The following ADAMTSL1 variants were observed in gnomAD, a reference collection of about 807,000 sequenced individuals.
ADAMTSL1 encodes the protein ADAMTS like 1, also known as ADAMTS-like protein 1.
A neutral mutation model predicts 201.8 loss-of-function variants in ADAMTSL1; 126 were observed. The observed-to-expected ratio is 0.62, with a 90% CI of 0.54 to 0.72. The LOEUF is 0.72. ADAMTSL1 is among the 30% of genes least tolerant of loss of function. The pLI is 0.00. For missense variants in ADAMTSL1, 2,679 were observed against 2,277.8 expected (o/e 1.18, Z -3.59); for synonymous variants, 1,121 against 903.4 (o/e 1.24, Z -4.32).
chr9:18,904,440 G>A (rs935138168), intron 26 of ADAMTSL1, among the ~76,000 whole-genome samples: 1 of 151,812 alleles, frequency 6.6e-6, no homozygotes, highest in Non-Finnish European at 1.5e-5. Flanking sequence ...CTGCACTCTA[G>A]CCTGGTGACA....
intron 1 of ADAMTSL1, among the ~76,000 whole-genome samples, chr9:17,974,768 A>G (rs1388157889): frequency 6.6e-6 from 1 of 152,066 alleles, no homozygotes; most frequent in Non-Finnish European, 1.5e-5. Context: ...ATATTTTACT[A>G]ATGCACTCGT....
At chr9:18,519,077 T>C (rs546952000) in intron 2 of ADAMTSL1, among the ~76,000 whole-genome samples, 37 of 152,312 alleles carry the variant, frequency 2.4e-4, no homozygotes, top group Non-Finnish European at 5.0e-4. Flanking sequence ...ATCCTAAATG[T>C]TATTTAAAGC....
chr9:18,251,106 A>C (rs1424010871), intron 2 of ADAMTSL1, among the ~76,000 whole-genome samples: 1 of 152,164 alleles, frequency 6.6e-6, no homozygotes, highest in Admixed American at 6.5e-5. Context: ...ACTAAAAAAA[A>C]GTATAATTAA....
Position 18,404,891 on chromosome 9 carries a change from G to A in ADAMTSL1, c.208-99938G>A, listed in dbSNP as rs371957160. Among the ~76,000 whole-genome samples the A allele has an allele frequency of 5.9e-5, 9 of 152,150 alleles. No homozygotes were observed. In the East Asian group the frequency reaches 1.2e-3, roughly 20 times the overall value. The stretch of plus-strand genomic sequence containing the variant: ...TTCCCCTTTTTCCAGGTTGTATCTT[G>A]TTGTTCCACATGCACCCCTCCCCAG... On this transcript the variant is annotated intron_variant, in intron 2 of 29. Coordinates refer to the ADAMTSL1 transcript ENST00000680146.
At chr9:18,895,301 A>C (rs1829553801) in intron 26 of ADAMTSL1, among the ~76,000 whole-genome samples, 1 of 152,230 alleles carries the variant, frequency 6.6e-6, no homozygotes, top group South Asian at 2.1e-4. Context: ...ACACTGGCTA[A>C]ACTAACCTTA....
At chr9:18,113,458 A>G (rs1358098126) in intron 1 of ADAMTSL1, among the ~76,000 whole-genome samples, 1 of 152,152 alleles carries the variant, frequency 6.6e-6, no homozygotes. Context: ...ATGAGGCAGA[A>G]GAAAGTCAAG....
chr9:18,233,940 G>T (rs2132419930), intron 2 of ADAMTSL1, among the ~76,000 whole-genome samples: 1 of 152,262 alleles, frequency 6.6e-6, no homozygotes, highest in African/African-American at 2.4e-5. Context: ...GAATAGGAGT[G>T]ACACACCCTG....
intron 2 of ADAMTSL1, among the ~76,000 whole-genome samples, chr9:18,436,167 C>A (rs1819722708): frequency 6.6e-6 from 1 of 152,048 alleles, no homozygotes; most frequent in Non-Finnish European, 1.5e-5. Flanking sequence ...CTGAAGGAGG[C>A]TAGGGGGAAA....
chr9:18,390,695 C>T (rs1838007879), intron 2 of ADAMTSL1, among the ~76,000 whole-genome samples: 1 of 152,126 alleles, frequency 6.6e-6, no homozygotes, highest in African/African-American at 2.4e-5. Context: ...CCCCACCTCC[C>T]AGTGGAGGAA....
At chr9:18,082,206 A>T (rs1217865641) in intron 1 of ADAMTSL1, among the ~76,000 whole-genome samples, 1 of 152,222 alleles carries the variant, frequency 6.6e-6, no homozygotes, top group Non-Finnish European at 1.5e-5. Context: ...GTCAAATAAC[A>T]TATAGAGGAT....
At chr9:18,742,828 G>T (rs1818917913) in intron 15 of ADAMTSL1, among the ~76,000 whole-genome samples, 2 of 152,118 alleles carry the variant, frequency 1.3e-5, no homozygotes, top group Non-Finnish European at 2.9e-5. Context: ...GAGACAAACT[G>T]CAATAAAACC....
At position 18,829,750 on chromosome 9, in the gene ADAMTSL1, A is replaced by G. The variant is rs1195626548; in HGVS notation, c.4115-93A>G. On this transcript the variant is annotated intron_variant, in intron 22 of 28. Coordinates refer to ENST00000380548, the MANE Select transcript of ADAMTSL1 (RefSeq NM_001040272.6). Reference sequence around the variant, plus strand: ...TAATGCCTATCTTACATATACGCATACATGTGCACACACATGCATACCCAC... The same window carrying G: ...TAATGCCTATCTTACATATACGCATGCATGTGCACACACATGCATACCCAC... The G allele has an allele frequency of 4.8e-6, 7 of 1,465,182 alleles. No homozygotes were observed. The Admixed American group carries it at 1.1e-4, about 23-fold the overall frequency. The allele number at this position is 1,465,182 out of a possible 1,614,324, so 90.8% of individuals were successfully genotyped here. A position where few individuals can be genotyped will look rare whatever the true frequency, so the allele number is the denominator to read the frequency against.
intron 2 of ADAMTSL1, among the ~76,000 whole-genome samples, chr9:18,236,765 T>C (rs976203585): frequency 3.3e-5 from 5 of 152,260 alleles, no homozygotes; most frequent in African/African-American, 9.6e-5. Flanking sequence ...CCCATTATTA[T>C]ATATACTTTT....
rs192181721 is a variant in ADAMTSL1, at chr9:18,892,446, C to A, written c.4701C>A (p.Thr1567=). The change falls in exon 26 of 29, where the codon ACC becomes ACA. Residue 1567 remains threonine, a synonymous_variant. Transcript: ENST00000380548. ...CTRSCGGGVQ[T]RRVTCQKLKA... is the part of the protein sequence containing the mutation. ...GGAGCTGTGGGGGAGGTGTCCAGACCCGCAGGGTGACCTGTCAAAAGCTGA... is the reference window on the plus strand; with the variant it reads ...GGAGCTGTGGGGGAGGTGTCCAGACACGCAGGGTGACCTGTCAAAAGCTGA... 25 of 1,613,570 alleles carry A rather than the reference C, an allele frequency of 1.5e-5. No individual in the cohort carries two copies. The Admixed American group carries it at 4.2e-4, about 27-fold the overall frequency.
chr9:18,208,597 A>G (rs973828184), intron 2 of ADAMTSL1, among the ~76,000 whole-genome samples: 3 of 152,180 alleles, frequency 2.0e-5, no homozygotes, highest in African/African-American at 4.8e-5. Flanking sequence ...CCTTATGACA[A>G]TGCTATCAGT....
At chr9:18,894,953 T>C (rs555258878) in intron 26 of ADAMTSL1, among the ~76,000 whole-genome samples, 1 of 152,194 alleles carries the variant, frequency 6.6e-6, no homozygotes, top group South Asian at 2.1e-4. Context: ...AGGAGCTTTT[T>C]CCAGAAGGAA....
chr9:18,760,518 C>T (rs370314160), intron 16 of ADAMTSL1, among the ~76,000 whole-genome samples: 3 of 152,346 alleles, frequency 2.0e-5, no homozygotes, highest in African/African-American at 7.2e-5. Context: ...GAAGCCCTTT[C>T]TCCATGGCAC....
At chr9:18,371,475 A>T (rs1489650015) in intron 2 of ADAMTSL1, among the ~76,000 whole-genome samples, 1 of 152,200 alleles carries the variant, frequency 6.6e-6, no homozygotes, top group Non-Finnish European at 1.5e-5. Context: ...ATCTGATATT[A>T]TCTGAGTTGT....
chr9:18,881,045 T>C (rs939654836), intron 23 of ADAMTSL1, among the ~76,000 whole-genome samples: 4 of 152,218 alleles, frequency 2.6e-5, no homozygotes, highest in African/African-American at 4.8e-5. Context: ...TCAGCCTTCA[T>C]AGAATTGAAG....
Sources: gnomAD v4.1 joint callset for allele counts (sites outside exome capture counted in the v4.1 genomes callset) on GRCh38, gnomAD v4.1.1 for gene constraint, MANE v1.5 for transcripts, NCBI Gene and HGNC (gene_info 2026-07-23, HGNC 2026-07-21) for gene names.